MYO1C: variants seen among roughly 807,000 people sequenced by gnomAD.
MYO1C encodes myosin IC, also known as unconventional myosin-Ic.
Under a neutral mutation model 150.8 loss-of-function variants are expected in MYO1C, and 104 were observed. The ratio of observed to expected loss-of-function variants is 0.69; its 90% confidence interval spans 0.59 to 0.81. MYO1C has a LOEUF of 0.81. MYO1C is among the 30% of genes least tolerant of loss of function. The pLI is 0.00. For synonymous variants in MYO1C, 663 were observed against 579.9 expected (o/e 1.14, Z -2.06); for missense variants, 1,504 against 1,435.0 (o/e 1.05, Z -0.78).
At position 1,470,174 on chromosome 17, in the gene MYO1C, C is replaced by A; in HGVS notation, c.2526+1G>T. 6.2e-7 allele frequency: 1 copy of A among 1,608,588 alleles called. No individual in the cohort carries two copies. Among genetic ancestry groups the A allele is most frequent in the Non-Finnish European group, 8.5e-7 (1 of 1,178,066 alleles). ...TAACTTGGCAGGGGGTGCCCACAGA[C>A]CTCACGCAGGGCAGGTGGGGGCGTG... On this transcript the variant is annotated splice_donor_variant, in intron 24 of 31. Coordinates refer to ENST00000648651, the MANE Select transcript of MYO1C (RefSeq NM_001080779.2). LOFTEE classifies it high-confidence loss of function.
intron 1 of MYO1C, chr17:1,485,322 G>A: frequency 4.5e-6 from 5 of 1,118,854 alleles, no homozygotes; most frequent in East Asian, 8.6e-5. Flanking sequence ...CAAAGGGGCC[G>A]CCGGTGTCCT....
Position 1,471,866 on chromosome 17 carries a change from C to CCCGCTCCCCTT in MYO1C, c.2021+30_2021+40dup, listed in dbSNP as rs758687842. The CCCGCTCCCCTT allele has an allele frequency of 1.9e-6, 3 of 1,596,948 alleles. No individual in the cohort carries two copies. In the South Asian group the frequency reaches 3.3e-5, roughly 18 times the overall value. On this transcript the variant is annotated intron_variant, in intron 19 of 31. Coordinates refer to ENST00000648651, the MANE Select transcript of MYO1C (RefSeq NM_001080779.2). ...CATGGGACCTAGGGGCTCCTACCCTCCCGCTCCCCTTCCCTGGCACCGAGC... is the reference window on the plus strand; with the variant it reads ...CATGGGACCTAGGGGCTCCTACCCTCCCGCTCCCCTTCCGCTCCCCTTCCCTGGCACCGAGC...
chr17:1,484,088 C>G, intron 2 of MYO1C, 60 bp downstream of exon 2: 5 of 1,601,634 alleles, frequency 3.1e-6, no homozygotes, highest in Non-Finnish European at 4.3e-6. Flanking sequence ...GTCTCTTTCC[C>G]CTCCGCTTGC....
intron 31 of MYO1C, among the ~76,000 whole-genome samples, chr17:1,466,883 T>G (rs1371816860): frequency 6.6e-6 from 1 of 152,174 alleles, no homozygotes; most frequent in East Asian, 1.9e-4. Flanking sequence ...CACCTCGGCC[T>G]CCCAAAGTGC....
chr17:1,487,402 C>G (rs954458236), intron 1 of MYO1C, among the ~76,000 whole-genome samples: 3 of 152,212 alleles, frequency 2.0e-5, no homozygotes, highest in African/African-American at 7.2e-5. Flanking sequence ...TCGCGGACCC[C>G]GCTCCCTGGG....
chr17:1,474,669 G>T lies in MYO1C; in HGVS notation c.1738C>A (p.Pro580Thr). 1 of 1,614,048 alleles carries T rather than the reference G, an allele frequency of 6.2e-7. No homozygotes were observed. Residue 580 changes from proline to threonine, a missense_variant, in exon 17 of 32, where the codon CCC (proline) becomes ACC (threonine). Coordinates refer to ENST00000648651, the MANE Select transcript of MYO1C (RefSeq NM_001080779.2). ...CGGTCAAAGCACTGGCTCATAATGG[G>T]ATTCTTTGAGCTACACATGGTCTGT... The part of the protein sequence containing the change: ...LKETMCSSKN[P>T]IMSQCFDRSE...
At chr17:1,476,503 CA>C (rs1480012426) in intron 14 of MYO1C, among the ~76,000 whole-genome samples, 1 of 152,090 alleles carries the variant, frequency 6.6e-6, no homozygotes, top group African/African-American at 2.4e-5. Flanking sequence ...TATTATTATG[CA>C]AAAAATACTC....
In MYO1C at chr17:1,478,821, C is replaced by T. The variant is rs138121605; in HGVS notation, c.1093-86G>A. 13,422 of 1,588,848 alleles carry T rather than the reference C, an allele frequency of 8.4e-3. 99 individuals are homozygous for T. The highest frequency in any genetic ancestry group is 9.0e-3 in the Non-Finnish European group (10,535 of 1,171,586). ...CCCAGGCTCAGGCAGACCAGGAAGC[C>T]GCCACCACTCTGCACTCCCAGCTCC... On this transcript the variant is annotated intron_variant, in intron 9 of 31. Transcript: ENST00000648651. The surrounding 1 kb of genome is among the most constrained non-coding windows in gnomAD (Gnocchi z 6.3).
chr17:1,492,381 C>T (rs762266057), intron 1 of MYO1C, 32 bp downstream of exon 1: 6 of 1,577,010 alleles, frequency 3.8e-6, no homozygotes, highest in African/African-American at 2.7e-5. Flanking sequence ...GACGCTCCCA[C>T]CCTCCTCCCA....
chr17:1,477,855 C>G, intron 13 of MYO1C, 36 bp downstream of exon 13: 1 of 1,584,992 alleles, frequency 6.3e-7, no homozygotes, highest in Non-Finnish European at 8.7e-7. Flanking sequence ...CCCACCCAGC[C>G]TCCAGCACCA....
Position 1,478,369 on chromosome 17 carries a change from CAGGAGACCGGG to C in MYO1C, c.1295+30_1295+40del. On this transcript the variant is annotated intron_variant, in intron 11 of 31. Transcript: ENST00000648651. The surrounding 1 kb of genome is among the most constrained non-coding windows in gnomAD (Gnocchi z 6.3). The stretch of plus-strand genomic sequence containing the variant: ...GGAGGACAGAAGAGAGGGAGCAGGA[CAGGAGACCGGG>C]AGGAGAGACGGGGGAAAGATGGCAC... 2 of 1,610,920 alleles carry C rather than the reference CAGGAGACCGGG, an allele frequency of 1.2e-6. No homozygotes were observed. The highest frequency in any genetic ancestry group is 1.7e-6 in the Non-Finnish European group (2 of 1,177,124).
At chr17:1,473,940 T>C (rs547029868) in intron 17 of MYO1C, among the ~76,000 whole-genome samples, 12 of 152,218 alleles carry the variant, frequency 7.9e-5, no homozygotes, top group African/African-American at 1.4e-4. Flanking sequence ...CACCCACTCA[T>C]TGTGGTACCT....
intron 24 of MYO1C, 150 bp from the exon 25 acceptor site, chr17:1,469,764 G>C: frequency 1.3e-6 from 1 of 758,808 alleles, no homozygotes; most frequent in East Asian, 2.7e-5. Flanking sequence ...GCAGGGCGCG[G>C]TGGCTCACGC....
intron 1 of MYO1C, among the ~76,000 whole-genome samples, chr17:1,490,553 C>T (rs560844857): frequency 6.6e-6 from 1 of 152,256 alleles, no homozygotes; most frequent in Non-Finnish European, 1.5e-5. Context: ...CATCACTGCT[C>T]CTTACCTGGG....
rs562997964 is a variant in MYO1C, at chr17:1,485,321, C to T, written c.76-1018G>A. 766 of 923,714 alleles carry T rather than the reference C, an allele frequency of 8.3e-4. 4 individuals are homozygous for T. In the African/African-American group the frequency reaches 0.016, roughly 19 times the overall value. 57.2% of individuals were successfully genotyped at this position (923,714 alleles called of 1,614,324 possible). On this transcript the variant is annotated intron_variant, in intron 1 of 31. Transcript: ENST00000648651. ...GATTGGGGGTGGATCCCAAAGGGGC[C>T]GCCGGTGTCCTCTGACCACGAAAGG...
In MYO1C at chr17:1,474,878, G is replaced by C. The variant is rs372409803; in HGVS notation, c.1670-20C>G. 4 of 1,613,860 alleles carry C rather than the reference G, an allele frequency of 2.5e-6. No homozygotes were observed. The highest frequency in any genetic ancestry group is 2.5e-6 in the Non-Finnish European group (3 of 1,179,876). On this transcript the variant is annotated intron_variant, in intron 15 of 31. Transcript: ENST00000648651. ...GAAACCCTGGGAGGGGAGAACCGAC[G>C]TGAGGTGAGACAGAGCCTCCCCGCA...
intron 14 of MYO1C, among the ~76,000 whole-genome samples, chr17:1,475,646 A>C (rs1312588242): frequency 6.6e-6 from 1 of 152,232 alleles, no homozygotes; most frequent in Non-Finnish European, 1.5e-5. Context: ...TTCAGAATGG[A>C]ATCTGCTGCC....
intron 14 of MYO1C, 87 bp from the exon 15 acceptor site, chr17:1,475,119 A>G (rs891021287): frequency 7.2e-7 from 1 of 1,396,726 alleles, no homozygotes; most frequent in African/African-American, 1.4e-5. Context: ...AGCAGGAACC[A>G]GCTGCCCAGG....
At chr17:1,471,774 ACCAAGGGCAGCCCAGGGCCTCCG>A (rs2074308300) in intron 19 of MYO1C, 110 bp downstream of exon 19, 7 of 978,674 alleles carry the variant, frequency 7.2e-6, no homozygotes, top group Non-Finnish European at 1.1e-5. Context: ...AAGGGCCTCC[ACCAAGGGCAGCCCAGGGCCTCCG>A]CATCCGCATT....
Sources: allele counts gnomAD v4.1 joint callset (sites outside exome capture counted in the v4.1 genomes callset), GRCh38; gene constraint gnomAD v4.1.1; non-coding constraint Gnocchi (gnomAD v3.1); transcripts MANE v1.5; gene names NCBI Gene and HGNC (gene_info 2026-07-23, HGNC 2026-07-21).